Variants in CMPK1 observed in about 807,000 individuals in gnomAD.
CMPK1 encodes UMP-CMP kinase.
In CMPK1, 10 loss-of-function variants were observed where a neutral mutation model predicts 25.7. That is an observed-to-expected ratio of 0.39 (90% CI 0.24 to 0.66). The LOEUF (loss-of-function observed/expected upper bound fraction) is 0.66, where lower values mean the gene tolerates loss of function less well. CMPK1 is among the 30% of genes least tolerant of loss of function. CMPK1 has a pLI of 0.48. For missense variants in CMPK1, 199 were observed against 280.5 expected (o/e 0.71, Z 2.08); for synonymous variants, 106 against 101.5 (o/e 1.04, Z -0.27).
chr1:47,378,191 T>C lies in CMPK1; in HGVS notation c.*1446T>C, dbSNP rs1487240575. On this transcript the variant is annotated 3_prime_UTR_variant, in exon 6 of 6. Coordinates refer to ENST00000371873, the MANE Select transcript of CMPK1 (RefSeq NM_016308.3). ...GTTATGAAATTCACTTAATGATAAA[T>C]TTTTCAACATACTTGCCATTAGAAA... The C allele has an allele frequency of 6.6e-6, 1 of 152,214 alleles. No homozygotes were observed. The highest frequency in any genetic ancestry group is 1.5e-5 in the Non-Finnish European group (1 of 68,034). 9.4% of individuals were successfully genotyped at this position (152,214 alleles called of 1,614,324 possible).
intron 1 of CMPK1, among the ~76,000 whole-genome samples, chr1:47,359,391 T>C (rs796337762): frequency 3.2e-5 from 4 of 126,160 alleles, no homozygotes; most frequent in South Asian, 2.2e-4. Flanking sequence ...TTTTTCTTTT[T>C]TTTTTTTTTT....
intron 3 of CMPK1, among the ~76,000 whole-genome samples, chr1:47,374,232 T>C (rs1270767039): frequency 6.6e-6 from 1 of 152,172 alleles, no homozygotes; most frequent in African/African-American, 2.4e-5. Flanking sequence ...AATTTTTGTA[T>C]TTTTAGTAGA....
rs1646723136 is a variant in CMPK1 at position 47,378,682 on chromosome 1, A to C, written c.*1937A>C. On this transcript the variant is annotated 3_prime_UTR_variant, in exon 6 of 6. Transcript: ENST00000371873. ...ATGACTTAACTAGTTTTGTCATTCC[A>C]TTTGTTAAAGATACAGTCACCAAGA... 2 of 152,148 alleles carry C rather than the reference A, an allele frequency of 1.3e-5. No individual in the cohort carries two copies. Among genetic ancestry groups the C allele is most frequent in the South Asian group, 4.1e-4 (2 of 4,828 alleles). The allele number at this position is 152,148 out of a possible 1,614,324, so 9.4% of individuals were successfully genotyped here.
chr1:47,369,982 T>G (rs1646666964), intron 2 of CMPK1, among the ~76,000 whole-genome samples: 2 of 141,862 alleles, frequency 1.4e-5, no homozygotes, highest in Admixed American at 1.5e-4. Context: ...TGGCGTGAAC[T>G]CGGCTCACTG....
At chr1:47,345,286 C>A (rs529851662) in intron 1 of CMPK1, among the ~76,000 whole-genome samples, 1 of 151,988 alleles carries the variant, frequency 6.6e-6, no homozygotes, top group South Asian at 2.1e-4. Flanking sequence ...GACTCTCAAA[C>A]GTTCTCAGTT....
rs1646719027 is a variant in CMPK1 at position 47,378,034 on chromosome 1, T to A, written c.*1289T>A. 1 of 152,186 alleles carries A rather than the reference T, an allele frequency of 6.6e-6. No homozygotes were observed. The highest frequency in any genetic ancestry group is 2.4e-5 in the African/African-American group (1 of 41,446). 9.4% of individuals were successfully genotyped at this position (152,186 alleles called of 1,614,324 possible). The stretch of plus-strand genomic sequence containing the variant: ...ATGTTTCTTATTTTCAGCACTTACA[T>A]CATTTGGTACACAGGGTCAAATAGG... On this transcript the variant is annotated 3_prime_UTR_variant, in exon 6 of 6. Coordinates refer to ENST00000371873, the MANE Select transcript of CMPK1 (RefSeq NM_016308.3).
chr1:47,356,110 A>G (rs557595123), intron 1 of CMPK1, among the ~76,000 whole-genome samples: 2 of 151,882 alleles, frequency 1.3e-5, no homozygotes, highest in South Asian at 4.2e-4. Context: ...ATCTCAGTTT[A>G]TTTTCCTCTA....
intron 1 of CMPK1, among the ~76,000 whole-genome samples, chr1:47,342,732 T>A (rs1646450695): frequency 6.7e-6 from 1 of 148,790 alleles, no homozygotes; most frequent in Non-Finnish European, 1.5e-5. Context: ...TCACTGCAGC[T>A]TCTGCCTCCC....
chr1:47,343,248 A>C (rs1023569301), intron 1 of CMPK1, among the ~76,000 whole-genome samples: 7 of 151,676 alleles, frequency 4.6e-5, no homozygotes, highest in Non-Finnish European at 7.4e-5. Context: ...TGGCCTCCCA[A>C]AGTGCTGGGA....
In CMPK1 at chr1:47,338,598, GTTCT is replaced by G. The variant is rs1646417880; in HGVS notation, c.171+4489_171+4492del. Among the ~76,000 whole-genome samples, 3 of 86,398 alleles carry G rather than the reference GTTCT, an allele frequency of 3.5e-5. No homozygotes were observed. In the East Asian group the frequency reaches 1.7e-3, roughly 48 times the overall value. The allele number at this position is 86,398 out of a possible 152,430, so 56.7% of individuals were successfully genotyped here. A position where few individuals can be genotyped will look rare whatever the true frequency, so the allele number is the denominator to read the frequency against. ...CTCCTTCCCTCCCTCCCTCCTTCCT[GTTCT>G]TTCTTTTTCTTCTTTTCTTTTTTTT... On this transcript the variant is annotated intron_variant, in intron 1 of 5. Transcript: ENST00000371873.
intron 1 of CMPK1, chr1:47,358,968 G>T (rs1646582113): frequency 3.1e-6 from 3 of 982,136 alleles, no homozygotes; most frequent in Non-Finnish European, 3.6e-6. Flanking sequence ...TCTTGCTTTT[G>T]AAATTCCTTA....
At chr1:47,344,067 T>TAA (rs34326568) in intron 1 of CMPK1, among the ~76,000 whole-genome samples, 23 of 141,444 alleles carry the variant, frequency 1.6e-4, no homozygotes, top group Non-Finnish European at 2.3e-4. Flanking sequence ...GACCATGTCT[T>TAA]AAAAAAAAAA....
At chr1:47,367,279 CTATT>C (rs1646645711) in intron 1 of CMPK1, among the ~76,000 whole-genome samples, 1 of 152,178 alleles carries the variant, frequency 6.6e-6, no homozygotes, top group African/African-American at 2.4e-5. Context: ...AGCAAATAAA[CTATT>C]TAGAGTTTTC....
rs1354562609 is a variant in CMPK1, at chr1:47,333,900, C to T, written c.-46C>T. ...CGCCTCCCCGCCCCGCCCCGCGCCG[C>T]GCCGGCCGCTGTCAGCTCCCTCAGC... On this transcript the variant is annotated 5_prime_UTR_variant, in exon 1 of 6. Coordinates refer to ENST00000371873, the MANE Select transcript of CMPK1 (RefSeq NM_016308.3). The T allele has an allele frequency of 2.5e-6, 3 of 1,211,362 alleles. No homozygotes were observed. The highest frequency in any genetic ancestry group is 3.2e-5 in the African/African-American group (2 of 62,380). The allele number at this position is 1,211,362 out of a possible 1,614,324, so 75.0% of individuals were successfully genotyped here. A position where few individuals can be genotyped will look rare whatever the true frequency, so the allele number is the denominator to read the frequency against.
In CMPK1 at chr1:47,358,328, A is replaced by G. The variant is rs368134179; in HGVS notation, c.172-10141A>G. 3.1e-5 allele frequency: 24 copies of G among 771,906 alleles called. No homozygotes were observed. The South Asian group carries it at 3.3e-4, about 11-fold the overall frequency. 47.8% of individuals were successfully genotyped at this position (771,906 alleles called of 1,614,324 possible). On this transcript the variant is annotated intron_variant, in intron 1 of 5. Coordinates refer to ENST00000371873, the MANE Select transcript of CMPK1 (RefSeq NM_016308.3). Reference sequence around the variant, plus strand: ...ACATCTTGCTATGGTGCATAGGCTGATCTCAAACTCCTGGCCTCGAGCAAC... The same window carrying G: ...ACATCTTGCTATGGTGCATAGGCTGGTCTCAAACTCCTGGCCTCGAGCAAC...
At chr1:47,334,198 C>A in intron 1 of CMPK1, 82 bp downstream of exon 1, 1 of 1,192,084 alleles carries the variant, frequency 8.4e-7, no homozygotes, top group Admixed American at 4.3e-5. Flanking sequence ...GTCCGCGCCC[C>A]GCGGAGTCGC....
intron 2 of CMPK1, among the ~76,000 whole-genome samples, chr1:47,370,807 C>T (rs1457013354): frequency 2.1e-5 from 3 of 143,818 alleles, no homozygotes; most frequent in Non-Finnish European, 4.6e-5. Flanking sequence ...AAAAATTAGT[C>T]GGCCGTGGTG....
At chr1:47,349,251 T>A (rs181103567) in intron 1 of CMPK1, among the ~76,000 whole-genome samples, 5 of 152,286 alleles carry the variant, frequency 3.3e-5, no homozygotes, top group Admixed American at 2.0e-4. Context: ...AAAGACTGCA[T>A]CTCCATATGG....
intron 1 of CMPK1, among the ~76,000 whole-genome samples, chr1:47,343,111 C>T (rs1477574407): frequency 2.6e-5 from 4 of 151,446 alleles, no homozygotes; most frequent in East Asian, 2.0e-4. Context: ...CTCCACTTCC[C>T]GAGTAGCTGA....
Sources: allele counts gnomAD v4.1 joint callset (sites outside exome capture counted in the v4.1 genomes callset), GRCh38; gene constraint gnomAD v4.1.1; transcripts MANE v1.5; gene names NCBI Gene and HGNC (gene_info 2026-07-23, HGNC 2026-07-21).